The following PLCZ1 variants were observed in gnomAD, a reference collection of about 807,000 sequenced individuals.
PLCZ1 encodes the protein phospholipase C zeta 1, also known as 1-phosphatidylinositol 4,5-bisphosphate phosphodiesterase zeta-1.
PLCZ1 carries 64 observed loss-of-function variants against 76.8 expected under a neutral mutation model. The ratio of observed to expected loss-of-function variants is 0.83; its 90% CI spans 0.68 to 1.03. PLCZ1 has a LOEUF of 1.03. PLCZ1 is among the 50% of genes least tolerant of loss of function. The pLI is 0.00. For synonymous variants in PLCZ1, 248 were observed against 230.8 expected (o/e 1.07, Z -0.68); for missense variants, 751 against 713.7 (o/e 1.05, Z -0.60).
At chr12:18,706,337 T>C (rs891151571) in intron 6 of PLCZ1, among the ~76,000 whole-genome samples, 31 of 152,014 alleles carry the variant, frequency 2.0e-4, no homozygotes, top group African/African-American at 7.2e-4. Flanking sequence ...AAAAGTAGCA[T>C]GCTATATTTT....
At position 18,721,820 on chromosome 12, in the gene PLCZ1, T is replaced by A. The variant is rs540714759; in HGVS notation, c.367+1491A>T. Reference sequence around the variant, plus strand: ...TACCTTGCTGCTAACCTGCAAAAATTTAATGGTGCTGAGACCAAATTGTCA... The same window carrying A: ...TACCTTGCTGCTAACCTGCAAAAATATAATGGTGCTGAGACCAAATTGTCA... On this transcript the variant is annotated intron_variant, in intron 4 of 14. Coordinates refer to ENST00000266505, the MANE Select transcript of PLCZ1 (RefSeq NM_033123.4). 3.9e-5 allele frequency among the ~76,000 whole-genome samples: 6 copies of A among 152,108 alleles called. No homozygotes were observed. The South Asian group carries it at 1.2e-3, about 32-fold the overall frequency.
chr12:18,721,413 T>C (rs1958427778), intron 4 of PLCZ1, among the ~76,000 whole-genome samples: 1 of 152,016 alleles, frequency 6.6e-6, no homozygotes. Flanking sequence ...CCTGGCTGTG[T>C]TGGAGAGTAT....
chr12:18,688,518 G>A (rs1953536021), intron 12 of PLCZ1, among the ~76,000 whole-genome samples: 1 of 151,472 alleles, frequency 6.6e-6, no homozygotes, highest in Non-Finnish European at 1.5e-5. Context: ...GGGAATTCAG[G>A]TCGAGTTACT....
chr12:18,736,177 G>A, intron 3 of PLCZ1, 44 bp downstream of exon 3: 1 of 1,598,742 alleles, frequency 6.3e-7, no homozygotes, highest in Non-Finnish European at 8.6e-7. Flanking sequence ...ATTGGATTAA[G>A]TTCCACCTAG....
chr12:18,650,664 ATGTGTGTGTGTGTGTGTGTG>A, the PLCZ1 span, among the ~76,000 whole-genome samples: 50 of 35,594 alleles, frequency 1.4e-3, no homozygotes, highest in Non-Finnish European at 2.6e-3. Flanking sequence ...TGGAATATAA[ATGTGTGTGTGTGTGTGTGTG>A]TGTGTGTGTG....
chr12:18,654,036 A>G, the PLCZ1 span, among the ~76,000 whole-genome samples: 1 of 152,112 alleles, frequency 6.6e-6, no homozygotes, highest in South Asian at 2.1e-4. Flanking sequence ...CTATCAGAGC[A>G]ATGGTAGCAG....
the PLCZ1 span, among the ~76,000 whole-genome samples, chr12:18,658,797 T>G: frequency 6.6e-6 from 1 of 152,186 alleles, no homozygotes; most frequent in Non-Finnish European, 1.5e-5. Context: ...TACTTTAGCT[T>G]AGGTATTTAC....
chr12:18,701,615 CTCCTCCTCCT>C (rs1280540266), intron 8 of PLCZ1, 47 bp from the exon 9 acceptor site: 1 of 37,930 alleles, frequency 2.6e-5, no homozygotes, highest in African/African-American at 3.1e-4. Flanking sequence ...TATCCTCCTC[CTCCTCCTCCT>C]CCTCCTCCTC....
At chr12:18,717,644 A>G (rs987258114) in intron 5 of PLCZ1, among the ~76,000 whole-genome samples, 2 of 152,116 alleles carry the variant, frequency 1.3e-5, no homozygotes, top group African/African-American at 4.8e-5. Context: ...TGTTGCCTCA[A>G]ACCCTACAAT....
the PLCZ1 span, among the ~76,000 whole-genome samples, chr12:18,646,116 A>G: frequency 6.6e-6 from 1 of 152,196 alleles, no homozygotes; most frequent in Non-Finnish European, 1.5e-5. Context: ...TAGGGTTCTG[A>G]GATTTTTTAA....
intron 12 of PLCZ1, chr12:18,694,215 C>G: frequency 1.6e-6 from 1 of 621,660 alleles, no homozygotes; most frequent in South Asian, 2.1e-5. Flanking sequence ...ATTAGCAAAA[C>G]ATCCTGTGTC....
the PLCZ1 span, among the ~76,000 whole-genome samples, chr12:18,647,140 A>C: frequency 6.6e-6 from 1 of 152,280 alleles, no homozygotes; most frequent in East Asian, 1.9e-4. Context: ...ATTAAAAATT[A>C]GTAATTTTGA....
chr12:18,655,979 A>T, the PLCZ1 span, among the ~76,000 whole-genome samples: 1 of 152,196 alleles, frequency 6.6e-6, no homozygotes, highest in Non-Finnish European at 1.5e-5. Context: ...AAAAGTAAGT[A>T]AATTTTAATT....
At chr12:18,703,167 C>T (rs753680489) in intron 7 of PLCZ1, among the ~76,000 whole-genome samples, 5 of 152,044 alleles carry the variant, frequency 3.3e-5, no homozygotes, top group Non-Finnish European at 7.4e-5. Flanking sequence ...TGATATGTTT[C>T]GAAATTCTTT....
intron 3 of PLCZ1, among the ~76,000 whole-genome samples, chr12:18,725,776 G>T (rs1958717914): frequency 6.6e-6 from 1 of 151,976 alleles, no homozygotes; most frequent in Non-Finnish European, 1.5e-5. Flanking sequence ...TCTCGTTGTT[G>T]TTTTTTGTTT....
At chr12:18,711,000 GAA>G (rs1957242780) in intron 6 of PLCZ1, among the ~76,000 whole-genome samples, 4 of 152,032 alleles carry the variant, frequency 2.6e-5, no homozygotes. Context: ...TCTAGAACTA[GAA>G]ATACCATTTG....
At chr12:18,733,997 T>G (rs1193549447) in intron 3 of PLCZ1, among the ~76,000 whole-genome samples, 1 of 152,220 alleles carries the variant, frequency 6.6e-6, no homozygotes, top group East Asian at 1.9e-4. Flanking sequence ...CTTCTGTTTC[T>G]GTGAAAACAA....
chr12:18,719,685 G>C (rs952920276), intron 4 of PLCZ1, 53 bp from the exon 5 acceptor site: 10 of 1,281,990 alleles, frequency 7.8e-6, no homozygotes, highest in Admixed American at 6.8e-5. Context: ...CCATTAGCAA[G>C]ATAAAAAACT....
At chr12:18,670,866 T>C in the PLCZ1 span, among the ~76,000 whole-genome samples, 6 of 152,166 alleles carry the variant, frequency 3.9e-5, no homozygotes, top group Middle Eastern at 3.4e-3. Flanking sequence ...AAGCTTTCAA[T>C]TGGAAAAATT....
Sources: gnomAD v4.1 joint callset for allele counts (sites outside exome capture counted in the v4.1 genomes callset) on GRCh38, gnomAD v4.1.1 for gene constraint, MANE v1.5 for transcripts, NCBI Gene and HGNC (gene_info 2026-07-23, HGNC 2026-07-21) for gene names.